PAPLN: variants seen among roughly 807,000 people sequenced by gnomAD.
The protein encoded by PAPLN is papilin.
Under a neutral mutation model 159.0 loss-of-function variants are expected in PAPLN, and 146 were observed. The observed-to-expected ratio is 0.92, with a 90% CI of 0.80 to 1.05. The LOEUF is 1.05. Among genes scored for constraint, PAPLN ranks in the 50% least tolerant of loss-of-function variants. The pLI is 0.00. For missense variants in PAPLN, 1,720 were observed against 1,743.9 expected (o/e 0.99, Z 0.24); for synonymous variants, 734 against 702.9 (o/e 1.04, Z -0.70).
At chr14:73,251,961 G>A (rs559859516) in intron 9 of PAPLN, 57 bp from the exon 10 acceptor site, 29 of 1,562,348 alleles carry the variant, frequency 1.9e-5, no homozygotes, top group Admixed American at 9.1e-5. Flanking sequence ...GTGAGGCTGC[G>A]GAGGGTGTGG....
At chr14:73,242,094 T>G (rs1307912185) in intron 2 of PAPLN, among the ~76,000 whole-genome samples, 2 of 152,262 alleles carry the variant, frequency 1.3e-5, no homozygotes, top group East Asian at 3.8e-4. Flanking sequence ...AGTGTGCTCA[T>G]GCTGCCTGTG....
At chr14:73,239,049 G>C (rs1380150262) in intron 1 of PAPLN, among the ~76,000 whole-genome samples, 9 of 152,266 alleles carry the variant, frequency 5.9e-5, no homozygotes, top group Admixed American at 5.2e-4. Flanking sequence ...ACTGCACATG[G>C]ACCCGCCCCG....
chr14:73,244,609 T>C (rs1161794330), intron 2 of PAPLN, 35 bp from the exon 3 acceptor site: 1 of 1,515,628 alleles, frequency 6.6e-7, no homozygotes, highest in Non-Finnish European at 9.0e-7. Flanking sequence ...AGGCTGTGAG[T>C]GGGCAATGCT....
chr14:73,261,416 A>T, intron 18 of PAPLN, 122 bp downstream of exon 18: 1 of 1,356,940 alleles, frequency 7.4e-7, no homozygotes, highest in East Asian at 2.5e-5. Flanking sequence ...TCCTACCACA[A>T]ATGTTGATTG....
chr14:73,253,652 G>A, intron 11 of PAPLN, 102 bp from the exon 12 acceptor site: 5 of 1,088,574 alleles, frequency 4.6e-6, no homozygotes, highest in Non-Finnish European at 5.2e-6. Context: ...GGGCTGGGGT[G>A]GGGGTCCTCA....
chr14:73,262,118 A>T (rs1232640888), intron 18 of PAPLN: 4 of 489,060 alleles, frequency 8.2e-6, no homozygotes, highest in Non-Finnish European at 1.4e-5. Flanking sequence ...CAGAGGCTCT[A>T]GCTCTGTGGG....
intron 2 of PAPLN, 59 bp from the exon 3 acceptor site, chr14:73,244,585 G>C: frequency 7.2e-7 from 1 of 1,395,748 alleles, no homozygotes; most frequent in Non-Finnish European, 9.9e-7. Context: ...ATCTTTGGAG[G>C]GGCCTCTGGG....
chr14:73,236,869 G>GGGAGGGAAAGAAA (rs1883062591), upstream of PAPLN, among the ~76,000 whole-genome samples: 4 of 129,032 alleles, frequency 3.1e-5, no homozygotes, highest in South Asian at 2.7e-4. Flanking sequence ...AAAAGAAAGA[G>GGGAGGGAAAGAAA]GAAGAAAGGG....
At chr14:73,256,548 AAAAG>A (rs1566691173) in intron 14 of PAPLN, among the ~76,000 whole-genome samples, 1 of 151,542 alleles carries the variant, frequency 6.6e-6, no homozygotes, top group Non-Finnish European at 1.5e-5. Flanking sequence ...AAAAAAAAAA[AAAAG>A]AAATAGATTT....
At position 73,245,973 on chromosome 14, in the gene PAPLN, G is replaced by T; in HGVS notation, c.232-100G>T. ...ACCTCCGGCGGCTCCGATGGGGCAG[G>T]CAAGGGAGACTCCTGGGCTCCCTGG... On this transcript the variant is annotated intron_variant, in intron 4 of 26. Coordinates refer to ENST00000644200, the MANE Select transcript of PAPLN (RefSeq NM_001365906.3). This position sits in a 1 kb window ranked among gnomAD's most constrained non-coding sequence, Gnocchi z 4.2. The T allele has an allele frequency of 1.6e-6, 2 of 1,232,320 alleles. No individual in the cohort carries two copies. Among genetic ancestry groups the T allele is most frequent in the Non-Finnish European group, 2.2e-6 (2 of 914,432 alleles). 76.3% of individuals were successfully genotyped at this position (1,232,320 alleles called of 1,614,324 possible).
Position 73,251,653 on chromosome 14 carries a change from C to T in PAPLN, c.671-11C>T, listed in dbSNP as rs201064655. ...TCCCTCTGGCTGACTGAGGCGGTCT[C>T]CTCTGCGCAGCTGTGAAGAATGTTC... On this transcript the variant is annotated splice_polypyrimidine_tract_variant and intron_variant, in intron 8 of 26. Coordinates refer to ENST00000644200, the MANE Select transcript of PAPLN (RefSeq NM_001365906.3). 203 of 1,613,452 alleles carry T rather than the reference C, an allele frequency of 1.3e-4. No homozygotes were observed. The East Asian group carries it at 3.7e-3, about 30-fold the overall frequency.
intron 19 of PAPLN, 149 bp downstream of exon 19, chr14:73,262,976 C>T: frequency 6.1e-6 from 4 of 655,086 alleles, no homozygotes; most frequent in Non-Finnish European, 6.9e-6. Context: ...GCCTTGTTGC[C>T]ATCATTCTAC....
At chr14:73,238,218 T>TTCCCGCCC (rs1883179122) in intron 1 of PAPLN, among the ~76,000 whole-genome samples, 1 of 152,214 alleles carries the variant, frequency 6.6e-6, no homozygotes, top group Non-Finnish European at 1.5e-5. Flanking sequence ...GCCACCCGCC[T>TTCCCGCCC]TCCCGCCCTC....
intron 11 of PAPLN, 112 bp downstream of exon 11, chr14:73,252,887 C>A: frequency 1.3e-6 from 2 of 1,490,330 alleles, no homozygotes; most frequent in Non-Finnish European, 1.8e-6. Context: ...GGGTCCAGGG[C>A]CCCCCACGCT....
intron 11 of PAPLN, 105 bp from the exon 12 acceptor site, chr14:73,253,649 G>GGT: frequency 9.4e-7 from 1 of 1,061,080 alleles, no homozygotes; most frequent in South Asian, 1.6e-5. Flanking sequence ...GATGGGCTGG[G>GGT]GTGGGGGTCC....
At position 73,261,155 on chromosome 14, in the gene PAPLN, G is replaced by A. The variant is rs772147816; in HGVS notation, c.2107-1G>A. On this transcript the variant is annotated splice_acceptor_variant, in intron 17 of 26. Coordinates refer to ENST00000644200, the MANE Select transcript of PAPLN (RefSeq NM_001365906.3). LOFTEE classifies it high-confidence loss of function. ...TTCCCAATCATGGGTTTCCTCCCCA[G>A]GTCCACAACACCCACCAGCCCCAGG... 1.4e-4 allele frequency: 234 copies of A among 1,614,096 alleles called. 5 individuals are homozygous for A. In the South Asian group the frequency reaches 2.2e-3, roughly 15 times the overall value.
intron 16 of PAPLN, 91 bp downstream of exon 16, chr14:73,259,636 C>T: frequency 7.2e-7 from 1 of 1,384,450 alleles, no homozygotes; most frequent in Admixed American, 3.2e-5. Flanking sequence ...CAGAAGAGGG[C>T]TGGGGTGGGT....
At chr14:73,240,445 G>T (rs1281799614) in intron 2 of PAPLN, among the ~76,000 whole-genome samples, 1 of 151,942 alleles carries the variant, frequency 6.6e-6, no homozygotes, top group African/African-American at 2.4e-5. Context: ...AAATTTTTAA[G>T]TATTTATTTA....
chr14:73,245,053 AAAT>A lies in PAPLN; in HGVS notation c.170+298_170+300del. On this transcript the variant is annotated intron_variant, in intron 3 of 26. Transcript: ENST00000644200. This position sits in a 1 kb window ranked among gnomAD's most constrained non-coding sequence, Gnocchi z 4.2. ...TGCAGTCAATTTTGCTGGAACTGGTAAATAATCTTCAACCGGCAGTTCCCAATT... is the reference window on the plus strand; with the variant it reads ...TGCAGTCAATTTTGCTGGAACTGGTAAATCTTCAACCGGCAGTTCCCAATT... 3 of 287,836 alleles carry A rather than the reference AAAT, an allele frequency of 1.0e-5. No homozygotes were observed. The highest frequency in any genetic ancestry group is 1.3e-4 in the South Asian group (2 of 15,628). 17.8% of individuals were successfully genotyped at this position (287,836 alleles called of 1,614,324 possible). A position where few individuals can be genotyped will look rare whatever the true frequency, so the allele number is the denominator to read the frequency against.
Sources: allele counts gnomAD v4.1 joint callset (sites outside exome capture counted in the v4.1 genomes callset), GRCh38; gene constraint gnomAD v4.1.1; non-coding constraint Gnocchi (gnomAD v3.1); transcripts MANE v1.5; gene names NCBI Gene and HGNC (gene_info 2026-07-23, HGNC 2026-07-21).